Variants in BICD1 observed in about 807,000 individuals in gnomAD.
BICD1 encodes BICD cargo adaptor 1.
BICD1 carries 35 observed loss-of-function variants against 92.5 expected under a neutral mutation model. The observed-to-expected ratio is 0.38, with a 90% CI of 0.29 to 0.50. BICD1 has a LOEUF of 0.50. Among genes scored for constraint, BICD1 ranks in the 20% least tolerant of loss-of-function variants. The pLI is 0.93. For missense variants in BICD1, 950 were observed against 1,189.8 expected (o/e 0.80, Z 2.97); for synonymous variants, 429 against 465.1 (o/e 0.92, Z 1.00).
intron 1 of BICD1, among the ~76,000 whole-genome samples, chr12:32,179,516 G>T (rs566489219): frequency 3.1e-4 from 47 of 151,936 alleles, no homozygotes; most frequent in African/African-American, 1.1e-3. Flanking sequence ...TGTGCTAGCC[G>T]GTGCTTAAAG....
chr12:32,166,213 G>A (rs1943765798), intron 1 of BICD1, among the ~76,000 whole-genome samples: 1 of 151,856 alleles, frequency 6.6e-6, no homozygotes, highest in African/African-American at 2.4e-5. Context: ...TCGGCTCACT[G>A]CAGCCTCTGT....
rs563487228 is a variant in BICD1, at chr12:32,290,207, C to G, written c.427-3787C>G. 6.7e-5 allele frequency among the ~76,000 whole-genome samples: 8 copies of G among 118,796 alleles called. No individual in the cohort carries two copies. In the East Asian group the frequency reaches 1.2e-3, roughly 18 times the overall value. The allele number at this position is 118,796 out of a possible 152,430, so 77.9% of individuals were successfully genotyped here. The stretch of plus-strand genomic sequence containing the variant: ...GTTGAAAGCAGGTTTCCAAAACAAC[C>G]AATTAGTTTGTATAGCTTCAGCTTC... On this transcript the variant is annotated intron_variant, in intron 2 of 9. Transcript: ENST00000652176.
chr12:32,262,058 G>A (rs1027415417), intron 2 of BICD1, among the ~76,000 whole-genome samples: 5 of 152,170 alleles, frequency 3.3e-5, no homozygotes, highest in African/African-American at 7.2e-5. Flanking sequence ...ATTTTAAGTC[G>A]TGGGTTTATA....
At chr12:32,282,199 CTTCTTTTTTTTTTTTTTTTTTTT>C (rs1200756203) in intron 2 of BICD1, among the ~76,000 whole-genome samples, 2 of 68,994 alleles carry the variant, frequency 2.9e-5, no homozygotes, top group African/African-American at 5.5e-5. Flanking sequence ...TTCAGGTCTT[CTTCTTTTTTTTTTTTTTTTTTTT>C]TTTTTTTTTT....
In BICD1 at chr12:32,382,324, G is replaced by GTC. The variant is rs1166431097; in HGVS notation, c.*4697_*4698insTC. The stretch of plus-strand genomic sequence containing the variant: ...AATATTCTACTTAAGAAGAAGAAGA[G>GTC]CAATTAACTGCCTTTAGTGTAAGGG... On this transcript the variant is annotated 3_prime_UTR_variant, in exon 10 of 10. Coordinates refer to ENST00000652176, the MANE Select transcript of BICD1 (RefSeq NM_001714.4). 2.9e-4 allele frequency: 44 copies of GTC among 151,248 alleles called. No homozygotes were observed. Among genetic ancestry groups the GTC allele is most frequent in the African/African-American group, 1.0e-3 (42 of 41,464 alleles). 9.4% of individuals were successfully genotyped at this position (151,248 alleles called of 1,614,324 possible).
chr12:32,324,644 C>T (rs544925499), intron 4 of BICD1, among the ~76,000 whole-genome samples: 2 of 152,198 alleles, frequency 1.3e-5, no homozygotes, highest in African/African-American at 2.4e-5. Context: ...GGCACAATCT[C>T]GGCTCGTTGC....
At chr12:32,170,476 ATAT>A (rs1488571306) in intron 1 of BICD1, among the ~76,000 whole-genome samples, 2 of 152,188 alleles carry the variant, frequency 1.3e-5, no homozygotes, top group Non-Finnish European at 2.9e-5. Flanking sequence ...TTCTACAACA[ATAT>A]TATTTAGTCA....
intron 1 of BICD1, among the ~76,000 whole-genome samples, chr12:32,214,866 G>A (rs945047710): frequency 9.2e-5 from 14 of 152,024 alleles, no homozygotes; most frequent in African/African-American, 3.4e-4. Context: ...CCCCAACACC[G>A]AGAGGTTGGT....
At chr12:32,165,563 TA>T (rs1565558701) in intron 1 of BICD1, among the ~76,000 whole-genome samples, 1 of 151,738 alleles carries the variant, frequency 6.6e-6, no homozygotes, top group Non-Finnish European at 1.5e-5. Context: ...TGCGTGCCTA[TA>T]GTCCCAGCTA....
At chr12:32,355,671 A>G (rs1475883248) in intron 8 of BICD1, among the ~76,000 whole-genome samples, 2 of 152,014 alleles carry the variant, frequency 1.3e-5, no homozygotes, top group Middle Eastern at 3.2e-3. Flanking sequence ...GCGTGGTAGC[A>G]TGCACGTGTA....
At chr12:32,229,785 G>A (rs1480220453) in intron 2 of BICD1, among the ~76,000 whole-genome samples, 1 of 152,084 alleles carries the variant, frequency 6.6e-6, no homozygotes, top group Non-Finnish European at 1.5e-5. Context: ...CAAGTTGTTG[G>A]GTTTTATTCC....
intron 2 of BICD1, among the ~76,000 whole-genome samples, chr12:32,272,029 C>G (rs1179388975): frequency 6.6e-6 from 1 of 152,038 alleles, no homozygotes; most frequent in South Asian, 2.1e-4. Context: ...AAAACATGTA[C>G]TACAAGTTAC....
chr12:32,226,632 C>T (rs1167215587), intron 2 of BICD1, among the ~76,000 whole-genome samples: 1 of 152,184 alleles, frequency 6.6e-6, no homozygotes, highest in East Asian at 1.9e-4. Flanking sequence ...CCATGGGCAT[C>T]CCACAGGGCC....
intron 1 of BICD1, among the ~76,000 whole-genome samples, chr12:32,117,697 T>TAC (rs1246694437): frequency 5.5e-4 from 57 of 103,346 alleles, no homozygotes; most frequent in African/African-American, 1.3e-3. Context: ...TATATATATA[T>TAC]ACACAAATAT....
chr12:32,310,648 T>A (rs1948347025), intron 4 of BICD1, among the ~76,000 whole-genome samples: 1 of 152,180 alleles, frequency 6.6e-6, no homozygotes, highest in Non-Finnish European at 1.5e-5. Context: ...CAGTCATGCA[T>A]GGAGGAAGAA....
intron 2 of BICD1, among the ~76,000 whole-genome samples, chr12:32,268,456 A>G (rs1279479249): frequency 6.6e-6 from 1 of 152,234 alleles, no homozygotes; most frequent in Non-Finnish European, 1.5e-5. Flanking sequence ...CTTCATTCAA[A>G]AGTCAGTGCC....
intron 2 of BICD1, among the ~76,000 whole-genome samples, chr12:32,270,163 T>C (rs907806169): frequency 1.3e-4 from 19 of 149,644 alleles, no homozygotes; most frequent in African/African-American, 4.6e-4. Flanking sequence ...TTATCTTCTC[T>C]ATCTGTTAAT....
chr12:32,246,455 T>C (rs765833574), intron 2 of BICD1, among the ~76,000 whole-genome samples: 2 of 151,610 alleles, frequency 1.3e-5, no homozygotes, highest in Non-Finnish European at 2.9e-5. Context: ...CTGGACAACA[T>C]AGTAGGACTC....
chr12:32,118,506 G>A (rs771385354), intron 1 of BICD1, among the ~76,000 whole-genome samples: 2 of 152,144 alleles, frequency 1.3e-5, no homozygotes, highest in East Asian at 1.9e-4. Context: ...GGTACTAAAC[G>A]TATACAGGCT....
Sources: gnomAD v4.1 joint callset for allele counts (sites outside exome capture counted in the v4.1 genomes callset) on GRCh38, gnomAD v4.1.1 for gene constraint, MANE v1.5 for transcripts, NCBI Gene and HGNC (gene_info 2026-07-23, HGNC 2026-07-21) for gene names.